Variants in RSU1 observed in about 807,000 individuals in gnomAD.
RSU1 encodes the protein Ras suppressor protein 1.
Under a neutral mutation model 31.1 loss-of-function variants are expected in RSU1, and 26 were observed. That is an observed-to-expected ratio of 0.84 (90% confidence interval 0.61 to 1.16). RSU1 has a LOEUF of 1.16. RSU1 is among the 50% of genes most tolerant of loss of function. The pLI, the probability that RSU1 is intolerant of heterozygous loss-of-function variation, is 0.00. For synonymous variants in RSU1, 164 were observed against 136.3 expected (o/e 1.20, Z -1.41); for missense variants, 320 against 339.1 (o/e 0.94, Z 0.44).
intron 8 of RSU1, among the ~76,000 whole-genome samples, chr10:16,625,748 C>T (rs1834147067): frequency 1.3e-5 from 2 of 152,306 alleles, no homozygotes; most frequent in South Asian, 4.1e-4. Flanking sequence ...ATGGCATCAA[C>T]AGGTTATACA....
At chr10:16,676,429 CATG>C (rs369892273) in intron 8 of RSU1, among the ~76,000 whole-genome samples, 16 of 152,246 alleles carry the variant, frequency 1.1e-4, no homozygotes, top group African/African-American at 3.9e-4. Flanking sequence ...ACAAGAACAA[CATG>C]AGAAAAACCC....
intron 8 of RSU1, among the ~76,000 whole-genome samples, chr10:16,682,755 G>A (rs1035240097): frequency 1.3e-5 from 2 of 152,036 alleles, no homozygotes; most frequent in African/African-American, 4.8e-5. Flanking sequence ...CTTGGGGTCT[G>A]GATCGGGACC....
chr10:16,702,280 G>A (rs1564323561), intron 7 of RSU1, among the ~76,000 whole-genome samples: 1 of 152,250 alleles, frequency 6.6e-6, no homozygotes, highest in South Asian at 2.1e-4. Flanking sequence ...TGGGGTTGGA[G>A]CCCAGACACA....
intron 7 of RSU1, among the ~76,000 whole-genome samples, chr10:16,745,582 C>T (rs764313177): frequency 3.3e-5 from 5 of 152,098 alleles, no homozygotes; most frequent in Non-Finnish European, 5.9e-5. Flanking sequence ...TTTTTAAAAC[C>T]ATGAGATCTT....
At chr10:16,812,311 G>A (rs1439037672) in intron 2 of RSU1, among the ~76,000 whole-genome samples, 10 of 152,024 alleles carry the variant, frequency 6.6e-5, no homozygotes, top group East Asian at 1.9e-4. Context: ...GTGTGGTGGC[G>A]CACGCCTGTA....
At chr10:16,608,447 G>A (rs1374556648) in intron 8 of RSU1, among the ~76,000 whole-genome samples, 2 of 151,982 alleles carry the variant, frequency 1.3e-5, no homozygotes, top group Non-Finnish European at 2.9e-5. Context: ...TTATCCATGC[G>A]GCTCTCACCA....
At chr10:16,665,596 T>C (rs1564307679) in intron 8 of RSU1, among the ~76,000 whole-genome samples, 1 of 152,222 alleles carries the variant, frequency 6.6e-6, no homozygotes, top group Admixed American at 6.5e-5. Context: ...AGAAATATTT[T>C]GACACATAAA....
intron 7 of RSU1, among the ~76,000 whole-genome samples, chr10:16,738,052 T>C (rs1836668248): frequency 6.6e-6 from 1 of 152,190 alleles, no homozygotes; most frequent in South Asian, 2.1e-4. Flanking sequence ...CCCCAGGTCT[T>C]ACAAAAGAAA....
chr10:16,699,828 C>T (rs1835751677), intron 7 of RSU1, among the ~76,000 whole-genome samples: 1 of 152,210 alleles, frequency 6.6e-6, no homozygotes, highest in Admixed American at 6.5e-5. Flanking sequence ...CTGACCGATG[C>T]TGCTATGAAG....
At chr10:16,809,506 A>C (rs4262622) in intron 2 of RSU1, among the ~76,000 whole-genome samples, 1 of 152,192 alleles carries the variant, frequency 6.6e-6, no homozygotes, top group Non-Finnish European at 1.5e-5. Flanking sequence ...CAAAACACAG[A>C]GGCTCAACAC....
At chr10:16,658,500 G>T (rs892310583) in intron 8 of RSU1, among the ~76,000 whole-genome samples, 1 of 152,202 alleles carries the variant, frequency 6.6e-6, no homozygotes, top group Admixed American at 6.5e-5. Context: ...GATGCAGGCA[G>T]ATCACCGGAG....
chr10:16,712,209 TTA>T (rs1200252421), intron 7 of RSU1, among the ~76,000 whole-genome samples: 1 of 152,156 alleles, frequency 6.6e-6, no homozygotes, highest in Admixed American at 6.5e-5. Context: ...CACTTTCAGT[TTA>T]TGTTTGTCTT....
At chr10:16,634,624 T>C (rs1364777888) in intron 8 of RSU1, among the ~76,000 whole-genome samples, 1 of 152,216 alleles carries the variant, frequency 6.6e-6, no homozygotes, top group Non-Finnish European at 1.5e-5. Flanking sequence ...GTATATTAAA[T>C]GCTGCTCAAC....
At chr10:16,682,641 G>A (rs1049047186) in intron 8 of RSU1, among the ~76,000 whole-genome samples, 1 of 150,778 alleles carries the variant, frequency 6.6e-6, no homozygotes, top group African/African-American at 2.4e-5. Context: ...CTCTGTCTCT[G>A]GAGTAGCTGT....
At chr10:16,597,190 G>A (rs999196253) in intron 8 of RSU1, among the ~76,000 whole-genome samples, 1 of 152,224 alleles carries the variant, frequency 6.6e-6, no homozygotes, top group African/African-American at 2.4e-5. Flanking sequence ...CGAGTCAAGT[G>A]TTGAATGCGG....
chr10:16,667,969 T>C (rs55662910), intron 8 of RSU1, among the ~76,000 whole-genome samples: 37,902 of 151,996 alleles, frequency 0.25, 4,850 homozygotes, highest in South Asian at 0.33. Flanking sequence ...TAAATATAAA[T>C]ATATGAGAAC....
chr10:16,649,416 A>C (rs575217784), intron 8 of RSU1, among the ~76,000 whole-genome samples: 7 of 152,336 alleles, frequency 4.6e-5, no homozygotes, highest in African/African-American at 1.7e-4. Flanking sequence ...TTAAAAGAGA[A>C]ATATTGTACC....
At chr10:16,772,152 A>G (rs1360912877) in intron 3 of RSU1, among the ~76,000 whole-genome samples, 2 of 152,206 alleles carry the variant, frequency 1.3e-5, no homozygotes, top group African/African-American at 4.8e-5. Context: ...AATGTGAAAA[A>G]TCAATTACGT....
intron 7 of RSU1, among the ~76,000 whole-genome samples, chr10:16,736,177 T>C (rs1169778889): frequency 6.6e-6 from 1 of 152,076 alleles, no homozygotes; most frequent in Non-Finnish European, 1.5e-5. Flanking sequence ...CCCATGAATC[T>C]TTGCCAAATA....
Sources: allele counts gnomAD v4.1 joint callset (sites outside exome capture counted in the v4.1 genomes callset), GRCh38; gene constraint gnomAD v4.1.1; transcripts MANE v1.5; gene names NCBI Gene and HGNC (gene_info 2026-07-23, HGNC 2026-07-21).